Variants in ESR2 observed in about 807,000 individuals in gnomAD.
The protein encoded by ESR2 is estrogen receptor 2, also known as estrogen receptor beta.
In ESR2, 36 loss-of-function variants were observed where a neutral mutation model predicts 49.6. The ratio of observed to expected loss-of-function variants is 0.73; its 90% CI spans 0.56 to 0.96. The LOEUF is 0.96. Ranked by LOEUF, ESR2 falls within the 40% of genes least tolerant of loss-of-function variation. The pLI, the probability that ESR2 is intolerant of heterozygous loss-of-function variation, is 0.00. For missense variants in ESR2, 714 were observed against 693.0 expected (o/e 1.03, Z -0.34); for synonymous variants, 320 against 266.1 (o/e 1.20, Z -1.97).
At chr14:64,234,764 G>C (rs2098730794) in intron 8 of ESR2, 4 of 1,158,508 alleles carry the variant, frequency 3.5e-6, no homozygotes, top group Non-Finnish European at 1.2e-6. Context: ...CTGCCATGCA[G>C]AGCCTGTAAG....
At chr14:64,290,617 G>A (rs779202121) in intron 1 of ESR2, among the ~76,000 whole-genome samples, 17 of 151,856 alleles carry the variant, frequency 1.1e-4, no homozygotes, top group Non-Finnish European at 1.9e-4. Flanking sequence ...TGGCCAGGCT[G>A]GTCTTGAACT....
At chr14:64,235,455 G>A (rs899363985) in intron 7 of ESR2, among the ~76,000 whole-genome samples, 3 of 152,238 alleles carry the variant, frequency 2.0e-5, no homozygotes, top group Admixed American at 6.5e-5. Flanking sequence ...AAATCATTAC[G>A]TGGTGTTTCT....
chr14:64,279,199 T>C (rs540289928), intron 3 of ESR2, among the ~76,000 whole-genome samples: 1 of 152,338 alleles, frequency 6.6e-6, no homozygotes, highest in South Asian at 2.1e-4. Context: ...AATGTACATC[T>C]TACATGCATT....
At chr14:64,227,694 G>A, downstream of ESR2, 4 of 1,602,360 alleles carry the variant, frequency 2.5e-6, no homozygotes, top group Non-Finnish European at 3.4e-6. Context: ...TATTGTGCAT[G>A]TCAATTTTTG....
At chr14:64,277,151 C>A (rs376463140) in intron 3 of ESR2, among the ~76,000 whole-genome samples, 1 of 152,276 alleles carries the variant, frequency 6.6e-6, no homozygotes, top group Admixed American at 6.5e-5. Context: ...AGTAGAGAAA[C>A]AACAGCACTT....
At chr14:64,268,597 A>C (rs563819798) in intron 4 of ESR2, among the ~76,000 whole-genome samples, 198 bp downstream of exon 4, 9 of 152,262 alleles carry the variant, frequency 5.9e-5, no homozygotes, top group African/African-American at 2.2e-4. Context: ...TGCCTCCCAT[A>C]ATCTGTTCCC....
intron 1 of ESR2, among the ~76,000 whole-genome samples, chr14:64,302,083 T>C (rs2077026632): frequency 6.6e-6 from 1 of 152,198 alleles, no homozygotes; most frequent in Admixed American, 6.5e-5. Flanking sequence ...GACCCAATTA[T>C]AAGAGTAATT....
In ESR2 at chr14:64,310,722, G is replaced by A. The variant is rs577215763; in HGVS notation, c.-91+27176C>T. ...CCTGACCTCGTGATCTGCCCGCCTC[G>A]GCCTCCCAAAGTGCTGGGATTACAG... On this transcript the variant is annotated intron_variant, in intron 1 of 8. Coordinates refer to the ESR2 transcript ENST00000358599. Among the ~76,000 whole-genome samples, 15 of 152,016 alleles carry A rather than the reference G, an allele frequency of 9.9e-5. No homozygotes were observed. In the East Asian group the frequency reaches 1.2e-3, roughly 12 times the overall value.
chr14:64,267,042 G>A (rs940416446), intron 4 of ESR2, among the ~76,000 whole-genome samples: 7 of 152,146 alleles, frequency 4.6e-5, no homozygotes, highest in East Asian at 1.9e-4. Flanking sequence ...CACCACGCCC[G>A]GCTAATTTTT....
chr14:64,305,473 A>G (rs940455572), intron 1 of ESR2, among the ~76,000 whole-genome samples: 8 of 151,620 alleles, frequency 5.3e-5, no homozygotes, highest in African/African-American at 1.9e-4. Flanking sequence ...GATCGAGACC[A>G]TCCTGGCTAA....
chr14:64,335,570 C>T (rs955094396), intron 1 of ESR2, among the ~76,000 whole-genome samples: 1 of 152,294 alleles, frequency 6.6e-6, no homozygotes, highest in African/African-American at 2.4e-5. Flanking sequence ...CGTGGGGGCC[C>T]CATCTGCGTG....
At position 64,228,812 on chromosome 14, in the gene ESR2, C is replaced by CA. The variant is rs1011151519; in HGVS notation, c.*4324dup. Among the ~76,000 whole-genome samples, 9 of 152,038 alleles carry CA rather than the reference C, an allele frequency of 5.9e-5. No individual in the cohort carries two copies. Among genetic ancestry groups the CA allele is most frequent in the African/African-American group, 1.9e-4 (8 of 41,404 alleles). Reference sequence around the variant, plus strand: ...ATTAAAAAACAAACAAACAAACAAACAAAAAACCTCCCTGACTCCAAAGCA... The same window carrying CA: ...ATTAAAAAACAAACAAACAAACAAACAAAAAAACCTCCCTGACTCCAAAGCA... On this transcript the variant is annotated 3_prime_UTR_variant, in exon 9 of 9. Transcript: ENST00000341099.
At chr14:64,330,865 C>G (rs2077447122) in intron 1 of ESR2, 2 of 149,334 alleles carry the variant, frequency 1.3e-5, no homozygotes, top group African/African-American at 5.0e-5. Flanking sequence ...GCTGAGGTTG[C>G]AGTTAGCCGA....
intron 5 of ESR2, 91 bp from the exon 6 acceptor site, chr14:64,257,455 A>G (rs975958514): frequency 1.4e-6 from 2 of 1,465,224 alleles, no homozygotes; most frequent in African/African-American, 1.4e-5. Context: ...TTAAAACACT[A>G]AGAAAACACA....
chr14:64,267,403 T>G (rs1440283926), intron 4 of ESR2, among the ~76,000 whole-genome samples: 1 of 152,162 alleles, frequency 6.6e-6, no homozygotes, highest in African/African-American at 2.4e-5. Flanking sequence ...CTATGGGCAC[T>G]GGCAGGATGT....
intron 6 of ESR2, among the ~76,000 whole-genome samples, chr14:64,252,364 T>C (rs1388714685): frequency 1.3e-5 from 2 of 151,796 alleles, no homozygotes; most frequent in South Asian, 2.1e-4. Context: ...TGTTAAAATA[T>C]TGAAACAATG....
At chr14:64,324,410 A>G (rs903449343) in intron 1 of ESR2, among the ~76,000 whole-genome samples, 15 of 152,198 alleles carry the variant, frequency 9.9e-5, no homozygotes, top group Non-Finnish European at 2.1e-4. Flanking sequence ...AATAGTTTTT[A>G]TCAGCTTTCT....
At chr14:64,274,655 T>C (rs1038265337) in intron 3 of ESR2, among the ~76,000 whole-genome samples, 7 of 152,166 alleles carry the variant, frequency 4.6e-5, no homozygotes, top group Admixed American at 1.3e-4. Context: ...ATTTTGGGTT[T>C]GGCTTGCTCT....
At chr14:64,306,965 A>T (rs2077109025) in intron 1 of ESR2, among the ~76,000 whole-genome samples, 1 of 151,978 alleles carries the variant, frequency 6.6e-6, no homozygotes, top group African/African-American at 2.4e-5. Flanking sequence ...TAGATATAGG[A>T]CTACTCAGGT....
Sources: gnomAD v4.1 joint callset for allele counts (sites outside exome capture counted in the v4.1 genomes callset) on GRCh38, gnomAD v4.1.1 for gene constraint, MANE v1.5 for transcripts, NCBI Gene and HGNC (gene_info 2026-07-23, HGNC 2026-07-21) for gene names.